Variants in ABLIM3 observed in about 807,000 individuals in gnomAD.
The protein encoded by ABLIM3 is actin binding LIM protein family member 3, also known as actin-binding LIM protein 3.
In ABLIM3, 61 loss-of-function variants were observed where a neutral mutation model predicts 109.5. That is an observed-to-expected ratio of 0.56 (90% CI 0.45 to 0.69). The LOEUF is 0.69. Among genes scored for constraint, ABLIM3 ranks in the 30% least tolerant of loss-of-function variants. The probability of loss-of-function intolerance (pLI) is 0.00; values close to 1 mark genes in which losing one functional copy is unlikely to be tolerated. For synonymous variants in ABLIM3, 300 were observed against 324.8 expected, an observed-to-expected ratio of 0.92 and a Z score of 0.82; for missense variants, 796 against 889.5, an observed-to-expected ratio of 0.89 and a Z score of 1.34.
At chr5:149,242,348 G>T in intron 14 of ABLIM3, 143 bp from the exon 15 acceptor site, 1 of 749,422 alleles carries the variant, frequency 1.3e-6, no homozygotes, top group Non-Finnish European at 2.3e-6. Context: ...GTCACCAGGG[G>T]AAAAAGATGG....
intron 2 of ABLIM3, among the ~76,000 whole-genome samples, chr5:149,162,524 T>C (rs896965493): frequency 1.1e-4 from 16 of 152,230 alleles, no homozygotes; most frequent in African/African-American, 3.9e-4. Flanking sequence ...CTTCTCTTTG[T>C]GTCTGGAAGG....
chr5:149,251,470 C>G (rs762183848), intron 21 of ABLIM3, 51 bp downstream of exon 21: 10 of 1,594,472 alleles, frequency 6.3e-6, no homozygotes, highest in Non-Finnish European at 8.6e-6. Flanking sequence ...CCAGATGTAC[C>G]ACTCAAAACT....
chr5:149,170,041 G>A (rs368205675), intron 2 of ABLIM3, among the ~76,000 whole-genome samples: 13 of 152,084 alleles, frequency 8.5e-5, no homozygotes, highest in South Asian at 8.3e-4. Flanking sequence ...GTAAATTTGC[G>A]TCATGGGGGT....
In ABLIM3 at chr5:149,233,173, C is replaced by T. The variant is rs138214415; in HGVS notation, c.817-56C>T. 3.1e-5 allele frequency: 48 copies of T among 1,533,934 alleles called. No homozygotes were observed. The African/African-American group carries it at 6.4e-4, about 20-fold the overall frequency. ...CATTCTTAACCCCCTGTCTCACCCT[C>T]CCCACCAAGCTCAGGTTGCAGCTTC... is the stretch of plus-strand genomic sequence containing the variant. On this transcript the variant is annotated intron_variant, in intron 9 of 23. Transcript: ENST00000309868.
chr5:149,144,800 C>G (rs1752772740), intron 2 of ABLIM3, among the ~76,000 whole-genome samples: 1 of 152,132 alleles, frequency 6.6e-6, no homozygotes, highest in Non-Finnish European at 1.5e-5. Flanking sequence ...AACTCCTAAT[C>G]AATGATTCAA....
intron 2 of ABLIM3, among the ~76,000 whole-genome samples, chr5:149,169,089 C>CTCAA (rs1561547223): frequency 1.4e-5 from 2 of 143,500 alleles, no homozygotes; most frequent in African/African-American, 5.0e-5. Context: ...TGTAGGACCC[C>CTCAA]CCCACCCCCC....
chr5:149,151,355 G>A (rs936267361), intron 2 of ABLIM3, among the ~76,000 whole-genome samples: 11 of 152,168 alleles, frequency 7.2e-5, no homozygotes, highest in Admixed American at 3.3e-4. Flanking sequence ...GCCAAATACG[G>A]TTATATTCTG....
chr5:149,143,219 C>T (rs538759332), intron 2 of ABLIM3, among the ~76,000 whole-genome samples: 24 of 151,966 alleles, frequency 1.6e-4, no homozygotes, highest in African/African-American at 5.8e-4. Flanking sequence ...AAAAATTAGC[C>T]AGGTGTGGTG....
intron 8 of ABLIM3, among the ~76,000 whole-genome samples, chr5:149,221,521 C>T (rs1581165152): frequency 6.6e-6 from 1 of 152,132 alleles, no homozygotes; most frequent in South Asian, 2.1e-4. Flanking sequence ...AGAAGTCTGA[C>T]GTCTGTCTGG....
rs755752262 is a variant in ABLIM3, at chr5:149,142,078, C to G, written c.-18C>G. 6.2e-7 allele frequency: 1 copy of G among 1,613,564 alleles called. No homozygotes were observed. Among genetic ancestry groups the G allele is most frequent in the East Asian group, 2.2e-5 (1 of 44,804 alleles). ...GGGCCTCCGTATTGAATGAAAGACC[C>G]AGTGCAAAGACATCACCATGAACAC... On this transcript the variant is annotated 5_prime_UTR_variant, in exon 2 of 24. Coordinates refer to ENST00000309868, the MANE Select transcript of ABLIM3 (RefSeq NM_014945.5).
intron 18 of ABLIM3, among the ~76,000 whole-genome samples, chr5:149,249,347 A>G (rs145143577): frequency 6.6e-6 from 1 of 152,354 alleles, no homozygotes; most frequent in East Asian, 1.9e-4. Context: ...CAATAATCCT[A>G]CAAAGGAGGC....
Position 149,239,360 on chromosome 5 carries a change from T to C in ABLIM3, c.1074+83T>C. 4.8e-6 allele frequency: 7 copies of C among 1,472,866 alleles called. No individual in the cohort carries two copies. The Admixed American group carries it at 8.4e-5, about 18-fold the overall frequency. 91.2% of individuals were successfully genotyped at this position (1,472,866 alleles called of 1,614,324 possible). A position where few individuals can be genotyped will look rare whatever the true frequency, so the allele number is the denominator to read the frequency against. ...TCACCCATCCCCAGCCCCCCGAAGG[T>C]GTCTGAGCCCTTGCCCAAGGTATTC... On this transcript the variant is annotated intron_variant, in intron 12 of 23. Transcript: ENST00000309868.
intron 8 of ABLIM3, chr5:149,218,003 G>T (rs952596124): frequency 1.3e-5 from 2 of 152,398 alleles, no homozygotes; most frequent in East Asian, 3.9e-4. Flanking sequence ...AAGGAGAGAA[G>T]TGTGGGCCTT....
intron 2 of ABLIM3, among the ~76,000 whole-genome samples, chr5:149,160,318 G>A (rs999335187): frequency 6.6e-6 from 1 of 152,028 alleles, no homozygotes; most frequent in African/African-American, 2.4e-5. Context: ...AATTAGCCAG[G>A]CATGTTGGTG....
intron 19 of ABLIM3, 149 bp downstream of exon 19, chr5:149,249,993 C>A: frequency 1.9e-6 from 2 of 1,052,416 alleles, no homozygotes; most frequent in South Asian, 1.4e-5. Context: ...TTGTATTTGT[C>A]AGATTGTGGG....
At position 149,161,171 on chromosome 5, in the gene ABLIM3, C is replaced by T. The variant is rs184316791; in HGVS notation, c.13+19063C>T. 3.9e-5 allele frequency among the ~76,000 whole-genome samples: 6 copies of T among 152,308 alleles called. No homozygotes were observed. In the East Asian group the frequency reaches 1.2e-3, roughly 29 times the overall value. ...GCATCACCCACAGCTCATCTGCCCG[C>T]GGGAGCTCTCTGAAACCTTCTGTTT... On this transcript the variant is annotated intron_variant, in intron 2 of 23. Coordinates refer to ENST00000309868, the MANE Select transcript of ABLIM3 (RefSeq NM_014945.5).
chr5:149,142,125 C>T lies in ABLIM3; in HGVS notation c.13+17C>T. On this transcript the variant is annotated intron_variant, in intron 2 of 23. Coordinates refer to ENST00000309868, the MANE Select transcript of ABLIM3 (RefSeq NM_014945.5). Reference sequence around the variant, plus strand: ...ACACTAGCAGTAAGTGGATCCTCCTCTCCTTTGCCATGGGAACAGGGGTGG... The same window carrying T: ...ACACTAGCAGTAAGTGGATCCTCCTTTCCTTTGCCATGGGAACAGGGGTGG... 1 of 1,612,074 alleles carries T rather than the reference C, an allele frequency of 6.2e-7. No individual in the cohort carries two copies. The highest frequency in any genetic ancestry group is 8.5e-7 in the Non-Finnish European group (1 of 1,178,474).
At chr5:149,234,472 C>T (rs1279193795) in intron 10 of ABLIM3, among the ~76,000 whole-genome samples, 1 of 152,224 alleles carries the variant, frequency 6.6e-6, no homozygotes, top group Non-Finnish European at 1.5e-5. Flanking sequence ...CAGATCATTA[C>T]TTCAAATCCA....
intron 2 of ABLIM3, among the ~76,000 whole-genome samples, chr5:149,151,842 G>A (rs1403204038): frequency 6.6e-6 from 1 of 152,214 alleles, no homozygotes; most frequent in East Asian, 1.9e-4. Context: ...ATAAGAATTG[G>A]ATTGTTCATT....
Sources: gnomAD v4.1 joint callset for allele counts (sites outside exome capture counted in the v4.1 genomes callset) on GRCh38, gnomAD v4.1.1 for gene constraint, MANE v1.5 for transcripts, NCBI Gene and HGNC (gene_info 2026-07-23, HGNC 2026-07-21) for gene names.